FHIT: variants seen among roughly 807,000 people sequenced by gnomAD.
FHIT encodes bis(5'-adenosyl)-triphosphatase.
FHIT carries 19 observed loss-of-function variants against 17.9 expected under a neutral mutation model. The ratio of observed to expected loss-of-function variants is 1.06; its 90% CI spans 0.74 to 1.56. The LOEUF is 1.56. Ranked by LOEUF, FHIT falls within the 40% of genes most tolerant of loss-of-function variation. The pLI is 0.00. For missense variants in FHIT, 248 were observed against 189.2 expected, an observed-to-expected ratio of 1.31 and a Z score of -1.82; for synonymous variants, 81 against 69.7, an observed-to-expected ratio of 1.16 and a Z score of -0.81.
chr3:61,095,058 A>C (rs910344283), intron 2 of FHIT, among the ~76,000 whole-genome samples: 6 of 152,202 alleles, frequency 3.9e-5, no homozygotes, highest in Non-Finnish European at 5.9e-5. Flanking sequence ...AAGTATTTGC[A>C]AAGACTATTA....
chr3:60,252,696 TA>T (rs1559763238), intron 5 of FHIT, among the ~76,000 whole-genome samples: 2 of 151,498 alleles, frequency 1.3e-5, no homozygotes, highest in Admixed American at 6.6e-5. Flanking sequence ...AAACAGATAA[TA>T]AAAAAAGACT....
intron 5 of FHIT, among the ~76,000 whole-genome samples, chr3:60,441,702 TTA>T (rs10575692): frequency 0.1 from 8,508 of 82,626 alleles, 775 homozygotes; most frequent in East Asian, 0.31. Flanking sequence ...CTGTAGGTAT[TTA>T]TATATATATA....
rs1559778931 is a variant in FHIT, at chr3:60,860,411, T to TCATATGTATACATGACATA, written c.-110-38401_-110-38400insTATGTCATGTATACATATG. 1.9e-3 allele frequency among the ~76,000 whole-genome samples: 243 copies of TCATATGTATACATGACATA among 128,528 alleles called. 17 individuals carry two copies. Among genetic ancestry groups the TCATATGTATACATGACATA allele is most frequent in the South Asian group, 3.8e-3 (14 of 3,668 alleles). The allele number at this position is 128,528 out of a possible 152,430, so 84.3% of individuals were successfully genotyped here. A position where few individuals can be genotyped will look rare whatever the true frequency, so the allele number is the denominator to read the frequency against. On this transcript the variant is annotated intron_variant, in intron 3 of 9. Transcript: ENST00000492590. ...ACATCATATGTATATATGACATACATCATATGTATATATGATACATATATA... is the reference window on the plus strand; with the variant it reads ...ACATCATATGTATATATGACATACATCATATGTATACATGACATACATATGTATATATGATACATATATA...
At chr3:59,862,878 A>G (rs540298118) in intron 8 of FHIT, among the ~76,000 whole-genome samples, 70 of 102,162 alleles carry the variant, frequency 6.9e-4, no homozygotes, top group Non-Finnish European at 3.6e-4. Context: ...AACTTCCATG[A>G]GTCATTCTGA....
chr3:61,124,684 T>C (rs2036558156), intron 2 of FHIT, among the ~76,000 whole-genome samples: 1 of 152,166 alleles, frequency 6.6e-6, no homozygotes, highest in Admixed American at 6.5e-5. Context: ...TGTAAAGTAA[T>C]TTTTATATGG....
chr3:60,962,243 T>C (rs1404527510), intron 3 of FHIT, among the ~76,000 whole-genome samples: 1 of 152,182 alleles, frequency 6.6e-6, no homozygotes, highest in Non-Finnish European at 1.5e-5. Context: ...CTGTTATTGG[T>C]GTATAAGAAT....
chr3:59,903,827 G>C (rs1004299959), intron 8 of FHIT, among the ~76,000 whole-genome samples: 2 of 152,216 alleles, frequency 1.3e-5, no homozygotes, highest in Non-Finnish European at 1.5e-5. Context: ...CAAGGGATAA[G>C]TTGAAGAGAA....
At chr3:61,157,922 G>A (rs1441294635) in intron 2 of FHIT, among the ~76,000 whole-genome samples, 3 of 152,128 alleles carry the variant, frequency 2.0e-5, no homozygotes, top group African/African-American at 7.2e-5. Context: ...GGATAAAAGG[G>A]GGCACAAATT....
chr3:60,677,171 C>A (rs1270435661), intron 4 of FHIT, among the ~76,000 whole-genome samples: 1 of 152,140 alleles, frequency 6.6e-6, no homozygotes, highest in Non-Finnish European at 1.5e-5. Context: ...GCCACTGTGC[C>A]CAGCCAATTT....
At chr3:60,387,463 T>C (rs1231886979) in intron 5 of FHIT, among the ~76,000 whole-genome samples, 1 of 152,222 alleles carries the variant, frequency 6.6e-6, no homozygotes, top group East Asian at 1.9e-4. Flanking sequence ...GGCTCCTTGG[T>C]GGTTGCGGTC....
At chr3:61,117,062 G>C (rs1382695888) in intron 2 of FHIT, among the ~76,000 whole-genome samples, 1 of 152,032 alleles carries the variant, frequency 6.6e-6, no homozygotes, top group African/African-American at 2.4e-5. Flanking sequence ...AATATAATGA[G>C]CCAACTTTAA....
intron 5 of FHIT, among the ~76,000 whole-genome samples, chr3:60,297,032 A>G (rs1367221668): frequency 6.6e-6 from 1 of 151,908 alleles, no homozygotes; most frequent in South Asian, 2.1e-4. Context: ...ACACATGGTC[A>G]TATAAATATT....
intron 5 of FHIT, among the ~76,000 whole-genome samples, chr3:60,082,904 C>T (rs1374640356): frequency 6.6e-6 from 1 of 152,068 alleles, no homozygotes; most frequent in Non-Finnish European, 1.5e-5. Flanking sequence ...CAAATATTTT[C>T]TCCCATCCTG....
chr3:60,873,347 G>A (rs1049169200), intron 3 of FHIT, among the ~76,000 whole-genome samples: 9 of 152,142 alleles, frequency 5.9e-5, no homozygotes, highest in African/African-American at 1.9e-4. Flanking sequence ...TGTAAAGTTG[G>A]GCAAGTTGTT....
intron 7 of FHIT, among the ~76,000 whole-genome samples, chr3:59,957,139 G>T (rs12490649): frequency 6.6e-6 from 1 of 152,134 alleles, no homozygotes; most frequent in African/African-American, 2.4e-5. Context: ...CTCATCCCCA[G>T]TACCTCTCAA....
chr3:61,208,675 C>A (rs2039342497), intron 1 of FHIT, among the ~76,000 whole-genome samples: 1 of 151,832 alleles, frequency 6.6e-6, no homozygotes, highest in Admixed American at 6.6e-5. Flanking sequence ...CTTGGTAGAT[C>A]TTCCTCCATC....
chr3:60,862,711 G>T (rs1305351922), intron 3 of FHIT, among the ~76,000 whole-genome samples: 2 of 152,044 alleles, frequency 1.3e-5, no homozygotes, highest in African/African-American at 4.8e-5. Context: ...ACTTAGCCAG[G>T]CATGGTGGTG....
chr3:61,244,714 G>A (rs538854012), intron 1 of FHIT, among the ~76,000 whole-genome samples: 6 of 152,200 alleles, frequency 3.9e-5, no homozygotes, highest in African/African-American at 1.4e-4. Context: ...GAAAACAAAG[G>A]GTTACAGAGA....
chr3:59,872,014 G>A (rs1219258603), intron 8 of FHIT, among the ~76,000 whole-genome samples: 2 of 152,174 alleles, frequency 1.3e-5, no homozygotes, highest in Non-Finnish European at 1.5e-5. Flanking sequence ...AAGATTAGAT[G>A]TATCTCAGAT....
Sources: allele counts gnomAD v4.1 joint callset (sites outside exome capture counted in the v4.1 genomes callset), GRCh38; gene constraint gnomAD v4.1.1; transcripts MANE v1.5; gene names NCBI Gene and HGNC (gene_info 2026-07-23, HGNC 2026-07-21).